EMILIN2: variants seen among roughly 807,000 people sequenced by gnomAD.
EMILIN2 encodes elastin microfibril interfacer 2.
A neutral mutation model predicts 87.1 loss-of-function variants in EMILIN2; 71 were observed. That is an observed-to-expected ratio of 0.82 (90% CI 0.67 to 0.99). The LOEUF (loss-of-function observed/expected upper bound fraction) is 0.99. Ranked by LOEUF, EMILIN2 falls within the 50% of genes least tolerant of loss-of-function variation. The pLI, the probability that EMILIN2 is intolerant of heterozygous loss-of-function variation, is 0.00. For missense variants in EMILIN2, 1,407 were observed against 1,371.8 expected, an observed-to-expected ratio of 1.03 and a Z score of -0.40; for synonymous variants, 581 against 563.4, an observed-to-expected ratio of 1.03 and a Z score of -0.44.
chr18:2,866,963 T>G (rs182732964), intron 2 of EMILIN2, among the ~76,000 whole-genome samples: 1 of 152,344 alleles, frequency 6.6e-6, no homozygotes, highest in East Asian at 1.9e-4. Flanking sequence ...ATCATGTGAT[T>G]TTTGTTTTTA....
rs533753536 is a variant in EMILIN2, at chr18:2,868,625, C to T, written c.258-16339C>T. The stretch of plus-strand genomic sequence containing the variant: ...CCCGGCCAACACAGCGAAACCCCGT[C>T]TCCACCAAAAAAATACGAAAACCAG... On this transcript the variant is annotated intron_variant, in intron 2 of 7. Coordinates refer to ENST00000254528, the MANE Select transcript of EMILIN2 (RefSeq NM_032048.3). Among the ~76,000 whole-genome samples the T allele has an allele frequency of 2.6e-5, 4 of 152,360 alleles. No homozygotes were observed. The South Asian group carries it at 6.2e-4, about 24-fold the overall frequency.
chr18:2,877,438 T>C lies in EMILIN2; in HGVS notation c.258-7526T>C, dbSNP rs1291457115. 0.031 allele frequency among the ~76,000 whole-genome samples: 10 copies of C among 326 alleles called. No homozygotes were observed. In the Admixed American group the frequency reaches 0.31, roughly 10 times the overall value. The allele number at this position is 326 out of a possible 152,430, so 0.2% of individuals were successfully genotyped here. A position where few individuals can be genotyped will look rare whatever the true frequency, so the allele number is the denominator to read the frequency against. On this transcript the variant is annotated intron_variant, in intron 2 of 7. Transcript: ENST00000254528. ...TATTTTTTATTCATTGACTGACAGTTTTTTTTTTTTTTTTTTACAAACAAA... is the reference window on the plus strand; with the variant it reads ...TATTTTTTATTCATTGACTGACAGTCTTTTTTTTTTTTTTTTACAAACAAA...
Position 2,875,346 on chromosome 18 carries a change from C to T in EMILIN2, c.258-9618C>T, listed in dbSNP as rs376866861. Among the ~76,000 whole-genome samples, 133 of 152,266 alleles carry T rather than the reference C, an allele frequency of 8.7e-4. 1 individual carries two copies. In the South Asian group the frequency reaches 0.01, roughly 12 times the overall value. On this transcript the variant is annotated intron_variant, in intron 2 of 7. Coordinates refer to ENST00000254528, the MANE Select transcript of EMILIN2 (RefSeq NM_032048.3). ...CCAGCAGATGTTCTCATGGCCGTGC[C>T]GTGGGAACACTCGGGGAGCTGATGA...
rs199920595 is a variant in EMILIN2, at chr18:2,905,381, G to GAT, written c.2360-1389_2360-1388dup. Among the ~76,000 whole-genome samples, 540 of 149,848 alleles carry GAT rather than the reference G, an allele frequency of 3.6e-3. 4 individuals are homozygous for GAT. Among genetic ancestry groups the GAT allele is most frequent in the East Asian group, 0.02 (100 of 5,118 alleles). ...TTTTAGTTGTTATGTGTACAGAGTA[G>GAT]ATATATATATATATGGGGTACATGA... On this transcript the variant is annotated intron_variant, in intron 4 of 7. Coordinates refer to ENST00000254528, the MANE Select transcript of EMILIN2 (RefSeq NM_032048.3).
chr18:2,858,956 C>T (rs962596105), intron 2 of EMILIN2, among the ~76,000 whole-genome samples: 1 of 152,086 alleles, frequency 6.6e-6, no homozygotes, highest in African/African-American at 2.4e-5. Flanking sequence ...GTTTCTTTAT[C>T]CACTTGTTGA....
chr18:2,906,913 C>A lies in EMILIN2; in HGVS notation c.2490C>A (p.Pro830=). Residue 830 remains proline (P), a synonymous_variant, in exon 5 of 8, where the codon CCC becomes CCA. Transcript: ENST00000254528. ...GACGGCCCGTCCTGCCCCAGCGGCC[C>A]CCCGAGGAGAGGCCGCCCCAGCCGC... ...PGRRPVLPQR[P]PEERPPQPPG... is the part of the protein sequence containing the mutation. The A allele has an allele frequency of 1.5e-5, 21 of 1,393,328 alleles. No homozygotes were observed. The highest frequency in any genetic ancestry group is 2.0e-5 in the Non-Finnish European group (21 of 1,071,034). 86.3% of individuals were successfully genotyped at this position (1,393,328 alleles called of 1,614,324 possible). A position where few individuals can be genotyped will look rare whatever the true frequency, so the allele number is the denominator to read the frequency against.
At chr18:2,903,495 T>A (rs528038891) in intron 4 of EMILIN2, among the ~76,000 whole-genome samples, 6 of 152,300 alleles carry the variant, frequency 3.9e-5, no homozygotes, top group African/African-American at 1.4e-4. Context: ...GGTACTTACC[T>A]CCGTATTTCT....
intron 2 of EMILIN2, among the ~76,000 whole-genome samples, chr18:2,879,504 C>CA (rs987978333): frequency 7.3e-5 from 11 of 151,690 alleles, no homozygotes; most frequent in Admixed American, 2.0e-4. Flanking sequence ...AAGAAAAATA[C>CA]AAAAAAATTA....
chr18:2,873,168 T>G (rs1318297294), intron 2 of EMILIN2, among the ~76,000 whole-genome samples: 1 of 152,130 alleles, frequency 6.6e-6, no homozygotes, highest in Non-Finnish European at 1.5e-5. Flanking sequence ...GCTAGCACTT[T>G]GGGAGGCCGA....
At chr18:2,877,767 C>T (rs2076756792) in intron 2 of EMILIN2, among the ~76,000 whole-genome samples, 1 of 145,784 alleles carries the variant, frequency 6.9e-6, no homozygotes. Context: ...GACAGACTGA[C>T]ATTCCATCTC....
Position 2,906,860 on chromosome 18 carries a change from G to A in EMILIN2, c.2437G>A (p.Gly813Ser). 9 of 1,362,948 alleles carry A rather than the reference G, an allele frequency of 6.6e-6. 2 individuals are homozygous for A. The South Asian group carries it at 1.4e-4, about 21-fold the overall frequency. The allele number at this position is 1,362,948 out of a possible 1,614,324, so 84.4% of individuals were successfully genotyped here. A position where few individuals can be genotyped will look rare whatever the true frequency, so the allele number is the denominator to read the frequency against. ...QPEPAPPRPSGPATAEDPGRR... is the reference protein window; with the variant it reads ...QPEPAPPRPSSPATAEDPGRR... ...CGAGCCCGCCCCGCCGAGGCCCAGC[G>A]GCCCCGCAACCGCAGAGGACCCTGG... The change falls in exon 5 of 8, where the codon GGC becomes AGC. Residue 813 changes from glycine to serine, a missense_variant. Transcript: ENST00000254528.
At chr18:2,851,031 T>G (rs1598482917) in intron 2 of EMILIN2, among the ~76,000 whole-genome samples, 1 of 143,172 alleles carries the variant, frequency 7.0e-6, no homozygotes, top group African/African-American at 2.6e-5. Context: ...ATTGAGGGAG[T>G]GAGTCATGAA....
At position 2,913,106 on chromosome 18, in the gene EMILIN2, C is replaced by T. The variant is rs370010109; in HGVS notation, c.2864C>T (p.Thr955Met). Residue 955 changes from threonine (T) to methionine (M), a missense_variant, in exon 8 of 8, where the codon ACG becomes ATG. Physicochemically the swap from Thr to Met is moderately conservative, Grantham distance 81 (BLOSUM62 -1). Transcript: ENST00000254528. The stretch of plus-strand genomic sequence containing the variant: ...CCTTATGATGGGCGCTACCTGATCA[C>T]GGCCACCCTCACCCCCGAGAGAGAC... ...TAPYDGRYLITATLTPERDAY... is the reference protein window; with the variant it reads ...TAPYDGRYLIMATLTPERDAY... 48 of 1,612,338 alleles carry T rather than the reference C, an allele frequency of 3.0e-5. 1 individual carries two copies. The highest frequency in any genetic ancestry group is 3.3e-4 in the Middle Eastern group (2 of 6,082).
chr18:2,903,206 C>A (rs539994603), intron 4 of EMILIN2, among the ~76,000 whole-genome samples: 10 of 151,734 alleles, frequency 6.6e-5, no homozygotes, highest in Non-Finnish European at 1.2e-4. Flanking sequence ...CAGGCAGAGG[C>A]GTGTGCCCTG....
chr18:2,875,961 A>G (rs2076745185), intron 2 of EMILIN2, among the ~76,000 whole-genome samples: 1 of 150,314 alleles, frequency 6.7e-6, no homozygotes, highest in African/African-American at 2.5e-5. Flanking sequence ...AAATACTGAG[A>G]AGTGAAAAGG....
chr18:2,909,827 T>C lies in EMILIN2; in HGVS notation c.2824+8T>C. 6.2e-7 allele frequency: 1 copy of C among 1,612,966 alleles called. No homozygotes were observed. Among genetic ancestry groups the C allele is most frequent in the South Asian group, 1.1e-5 (1 of 90,958 alleles). ...TTTACAACCCCAGCACCGGTGAGTG[T>C]TTGAACGGAACTGGTACTGTGTCCT... On this transcript the variant is annotated splice_region_variant and intron_variant, in intron 7 of 7. Transcript: ENST00000254528.
chr18:2,884,907 C>T (rs1181667881), intron 2 of EMILIN2, 57 bp from the exon 3 acceptor site: 18 of 1,523,780 alleles, frequency 1.2e-5, no homozygotes, highest in Admixed American at 4.1e-5. Flanking sequence ...GGTCTAGCGC[C>T]GGAAGTTGCT....
intron 3 of EMILIN2, among the ~76,000 whole-genome samples, chr18:2,887,786 T>TA (rs58571683): frequency 0.13 from 19,903 of 151,980 alleles, 1,503 homozygotes; most frequent in South Asian, 0.3. Flanking sequence ...ACTGTCATTA[T>TA]AAAAAAAATA....
intron 3 of EMILIN2, among the ~76,000 whole-genome samples, chr18:2,889,540 T>C (rs753631221): frequency 6.6e-6 from 1 of 152,172 alleles, no homozygotes; most frequent in Non-Finnish European, 1.5e-5. Flanking sequence ...TCTATGTCTA[T>C]CAATTTATCT....
Sources: allele counts gnomAD v4.1 joint callset (sites outside exome capture counted in the v4.1 genomes callset), GRCh38; gene constraint gnomAD v4.1.1; transcripts MANE v1.5; gene names NCBI Gene and HGNC (gene_info 2026-07-23, HGNC 2026-07-21).